HPSE2: variants seen among roughly 807,000 people sequenced by gnomAD.
HPSE2 encodes the protein inactive heparanase-2.
A neutral mutation model predicts 60.5 loss-of-function variants in HPSE2; 38 were observed. The ratio of observed to expected loss-of-function variants is 0.63; its 90% confidence interval spans 0.48 to 0.82. HPSE2 has a LOEUF of 0.82. Ranked by LOEUF, HPSE2 falls within the 40% of genes least tolerant of loss-of-function variation. The probability of loss-of-function intolerance (pLI) is 0.00; values close to 1 mark genes in which losing one functional copy is unlikely to be tolerated. For synonymous variants in HPSE2, 295 were observed against 293.2 expected (o/e 1.01, Z -0.06); for missense variants, 713 against 740.4 (o/e 0.96, Z 0.43).
chr10:99,213,945 T>G (rs1167100588), intron 2 of HPSE2, among the ~76,000 whole-genome samples: 1 of 152,194 alleles, frequency 6.6e-6, no homozygotes, highest in Non-Finnish European at 1.5e-5. Context: ...AAAAATTTTG[T>G]AAATCATATG....
chr10:99,214,757 A>C (rs1175118980), intron 2 of HPSE2, among the ~76,000 whole-genome samples: 1 of 151,898 alleles, frequency 6.6e-6, no homozygotes, highest in African/African-American at 2.4e-5. Flanking sequence ...GAAAAAAAAA[A>C]CCATCAAAAA....
intron 3 of HPSE2, among the ~76,000 whole-genome samples, chr10:99,049,463 A>G (rs1486776372): frequency 6.6e-6 from 1 of 152,174 alleles, no homozygotes; most frequent in Non-Finnish European, 1.5e-5. Flanking sequence ...ATCCAAACCT[A>G]GTATCACAGT....
chr10:98,517,479 A>G (rs1167907495), intron 9 of HPSE2, among the ~76,000 whole-genome samples: 1 of 152,206 alleles, frequency 6.6e-6, no homozygotes, highest in Non-Finnish European at 1.5e-5. Flanking sequence ...ACACACGTGG[A>G]CACATGATGC....
In HPSE2 at chr10:99,032,721, T is replaced by C. The variant is rs113332611; in HGVS notation, c.610+111517A>G. On this transcript the variant is annotated intron_variant, in intron 3 of 11. Coordinates refer to ENST00000370552, the MANE Select transcript of HPSE2 (RefSeq NM_021828.5). The stretch of plus-strand genomic sequence containing the variant: ...AAATCAAGGTATTGGGAAGGCTGCA[T>C]TCCATTCTGGAAGCTCTAAGGGAGA... 2.0e-3 allele frequency among the ~76,000 whole-genome samples: 305 copies of C among 152,336 alleles called. 1 individual carries two copies. The highest frequency in any genetic ancestry group is 7.1e-3 in the African/African-American group (294 of 41,578).
At chr10:98,481,996 A>G (rs1941255231) in intron 11 of HPSE2, among the ~76,000 whole-genome samples, 1 of 152,170 alleles carries the variant, frequency 6.6e-6, no homozygotes, top group Admixed American at 6.5e-5. Flanking sequence ...GTGTCACAGA[A>G]TCGTTTATTT....
chr10:98,495,045 T>G (rs916846660), intron 9 of HPSE2, among the ~76,000 whole-genome samples: 13 of 152,204 alleles, frequency 8.5e-5, no homozygotes, highest in Non-Finnish European at 1.2e-4. Context: ...AGGACTCCCT[T>G]AAGCATTTTT....
intron 3 of HPSE2, among the ~76,000 whole-genome samples, chr10:98,903,230 GA>G (rs1185199746): frequency 2.0e-5 from 3 of 152,154 alleles, no homozygotes; most frequent in Admixed American, 1.3e-4. Context: ...AAAAACTATA[GA>G]GATAGAAAGT....
At chr10:98,650,616 T>C (rs777545992) in intron 6 of HPSE2, among the ~76,000 whole-genome samples, 13 of 152,218 alleles carry the variant, frequency 8.5e-5, no homozygotes, top group Non-Finnish European at 1.6e-4. Context: ...GAACAGTTGA[T>C]GAGGGGAGAT....
intron 3 of HPSE2, among the ~76,000 whole-genome samples, chr10:99,103,279 G>A (rs1305734736): frequency 1.3e-5 from 2 of 152,302 alleles, no homozygotes; most frequent in East Asian, 3.9e-4. Context: ...AGCAACTTCA[G>A]CAAAGTCTCA....
intron 9 of HPSE2, among the ~76,000 whole-genome samples, chr10:98,511,568 G>GTGTA (rs1942400784): frequency 1.5e-5 from 1 of 65,018 alleles, no homozygotes; most frequent in African/African-American, 5.0e-5. Context: ...GTGTGTGTGT[G>GTGTA]TGTGTGTGTG....
At chr10:99,196,860 T>A (rs1848417080) in intron 2 of HPSE2, among the ~76,000 whole-genome samples, 1 of 152,172 alleles carries the variant, frequency 6.6e-6, no homozygotes, top group Non-Finnish European at 1.5e-5. Flanking sequence ...CCAGCAATCC[T>A]ACTACTGGGT....
chr10:98,514,718 T>G (rs1185714561), intron 9 of HPSE2, among the ~76,000 whole-genome samples: 1 of 143,866 alleles, frequency 7.0e-6, no homozygotes, highest in East Asian at 2.0e-4. Flanking sequence ...TTTGTTTTTT[T>G]TTTTTTTTTT....
intron 9 of HPSE2, among the ~76,000 whole-genome samples, chr10:98,573,018 C>A (rs526698): frequency 1.3e-5 from 2 of 152,072 alleles, no homozygotes; most frequent in African/African-American, 4.8e-5. Flanking sequence ...CTAAAATACA[C>A]AGATTACAGC....
chr10:98,919,687 A>G (rs1954226081), intron 3 of HPSE2, among the ~76,000 whole-genome samples: 1 of 152,232 alleles, frequency 6.6e-6, no homozygotes. Flanking sequence ...TGCTCATATC[A>G]GAACAGAAAT....
intron 3 of HPSE2, among the ~76,000 whole-genome samples, chr10:98,810,423 G>A (rs1951143856): frequency 6.6e-6 from 1 of 152,042 alleles, no homozygotes; most frequent in African/African-American, 2.4e-5. Context: ...AAGGTTTAGC[G>A]ATTAAGATCC....
the HPSE2 span, among the ~76,000 whole-genome samples, chr10:99,245,490 A>G: frequency 6.6e-6 from 1 of 152,254 alleles, no homozygotes; most frequent in African/African-American, 2.4e-5. Context: ...ATAGAGAGGG[A>G]CCATCCCCTA....
At chr10:99,149,925 C>A (rs1221918248) in intron 2 of HPSE2, among the ~76,000 whole-genome samples, 2 of 151,764 alleles carry the variant, frequency 1.3e-5, no homozygotes, top group African/African-American at 4.8e-5. Context: ...ATCTCTAAAC[C>A]TCTTCATTCC....
intron 2 of HPSE2, among the ~76,000 whole-genome samples, chr10:99,229,061 G>C (rs894255683): frequency 2.0e-5 from 3 of 151,874 alleles, no homozygotes; most frequent in Admixed American, 2.0e-4. Flanking sequence ...TGTAATCCCA[G>C]CTACTGAAGA....
At chr10:99,227,468 C>A (rs2133941832) in intron 2 of HPSE2, among the ~76,000 whole-genome samples, 1 of 151,986 alleles carries the variant, frequency 6.6e-6, no homozygotes, top group African/African-American at 2.4e-5. Flanking sequence ...TAACACATAG[C>A]ATAAAATAAA....
Sources: allele counts gnomAD v4.1 joint callset (sites outside exome capture counted in the v4.1 genomes callset), GRCh38; gene constraint gnomAD v4.1.1; transcripts MANE v1.5; gene names NCBI Gene and HGNC (gene_info 2026-07-23, HGNC 2026-07-21).